FAS: variants seen among roughly 807,000 people sequenced by gnomAD.
The protein encoded by FAS is tumor necrosis factor receptor superfamily member 6.
Under a neutral mutation model 33.2 loss-of-function variants are expected in FAS, and 5 were observed. The observed-to-expected ratio is 0.15, with a 90% CI of 0.08 to 0.32. The LOEUF (loss-of-function observed/expected upper bound fraction) is 0.32. FAS is among the 10% of genes least tolerant of loss of function. The pLI is 1.00. For missense variants in FAS, 339 were observed against 386.0 expected (o/e 0.88, Z 1.02); for synonymous variants, 131 against 130.7 (o/e 1.00, Z -0.01).
At chr10:89,004,583 T>C (rs1589468452) in intron 2 of FAS, among the ~76,000 whole-genome samples, 1 of 143,994 alleles carries the variant, frequency 6.9e-6, no homozygotes. Context: ...CCTGAGAAAA[T>C]AATCAAAAAT....
chr10:88,997,762 T>C (rs760730443), intron 1 of FAS, among the ~76,000 whole-genome samples: 68 of 152,290 alleles, frequency 4.5e-4, no homozygotes, highest in Non-Finnish European at 8.1e-4. Context: ...TGTTGATAAG[T>C]AACTGAAAGT....
chr10:88,968,109 G>A (rs1315959473), intron 1 of FAS, among the ~76,000 whole-genome samples: 3 of 152,026 alleles, frequency 2.0e-5, no homozygotes, highest in Non-Finnish European at 4.4e-5. Context: ...ATTCAATTCA[G>A]TAGTTTCTGT....
chr10:88,998,169 G>T (rs1847709159), intron 1 of FAS, among the ~76,000 whole-genome samples: 1 of 152,148 alleles, frequency 6.6e-6, no homozygotes, highest in Non-Finnish European at 1.5e-5. Flanking sequence ...CAACTGGACT[G>T]GTTCCTTCTG....
intron 1 of FAS, among the ~76,000 whole-genome samples, chr10:88,996,868 C>T (rs1847629337): frequency 6.6e-6 from 1 of 152,212 alleles, no homozygotes; most frequent in African/African-American, 2.4e-5. Flanking sequence ...TCTGTAGTCC[C>T]TTATCCCAGG....
chr10:88,986,945 T>A (rs1013319489), upstream of FAS, among the ~76,000 whole-genome samples: 2 of 152,250 alleles, frequency 1.3e-5, no homozygotes, highest in Non-Finnish European at 2.9e-5. Context: ...GATTTGCATA[T>A]GTCATTTCTT....
intron 2 of FAS, among the ~76,000 whole-genome samples, chr10:88,981,058 T>C (rs533270433): frequency 2.2e-3 from 336 of 152,240 alleles, no homozygotes; most frequent in Non-Finnish European, 4.2e-3. Flanking sequence ...GAACAGGGCA[T>C]GGGGAGGCCA....
At chr10:88,988,031 A>G (rs1039175457), upstream of FAS, among the ~76,000 whole-genome samples, 3 of 152,044 alleles carry the variant, frequency 2.0e-5, no homozygotes, top group Non-Finnish European at 2.9e-5. Flanking sequence ...TAACTTTTTC[A>G]TGGGTCTCCA....
At chr10:88,994,967 T>C (rs1235541780) in intron 1 of FAS, among the ~76,000 whole-genome samples, 1 of 151,754 alleles carries the variant, frequency 6.6e-6, no homozygotes, top group Non-Finnish European at 1.5e-5. Flanking sequence ...GGACTTGTGA[T>C]GAAAAATAAT....
At chr10:88,971,969 C>T (rs1846457582) in intron 1 of FAS, among the ~76,000 whole-genome samples, 2 of 150,824 alleles carry the variant, frequency 1.3e-5, no homozygotes, top group African/African-American at 2.4e-5. Context: ...AGTGCAGAGG[C>T]GTGATCTCAG....
rs1197682930 is a variant in FAS, at chr10:88,968,756, A to T, written n.95-4426A>T. On this transcript the variant is annotated intron_variant and non_coding_transcript_variant, in intron 1 of 3. Coordinates refer to the FAS transcript ENST00000688239. ...AGGCTCTGCTAAAAATGTTAGAGGC[A>T]GCTGTTGATATAGGCATTTCTGTCC... 3.3e-5 allele frequency among the ~76,000 whole-genome samples: 5 copies of T among 152,324 alleles called. No individual in the cohort carries two copies. In the East Asian group the frequency reaches 9.6e-4, roughly 29 times the overall value.
chr10:89,010,433 G>C (rs1848466411), intron 4 of FAS, 106 bp from the exon 5 acceptor site: 1 of 847,288 alleles, frequency 1.2e-6, no homozygotes, highest in Non-Finnish European at 2.0e-6. Context: ...GTTTGCCAGA[G>C]ATGCAAAGAT....
intron 2 of FAS, chr10:88,973,400 C>T (rs1846493487): frequency 2.0e-5 from 27 of 1,346,270 alleles, no homozygotes; most frequent in East Asian, 5.2e-5. Flanking sequence ...ATAGAGTTCC[C>T]GATGAAAACA....
In FAS at chr10:89,016,802, C is replaced by T. The variant is rs1848823606; in HGVS notation, c.*2352C>T. 1 of 217,944 alleles carries T rather than the reference C, an allele frequency of 4.6e-6. No homozygotes were observed. Among genetic ancestry groups the T allele is most frequent in the African/African-American group, 2.2e-5 (1 of 44,504 alleles). The allele number at this position is 217,944 out of a possible 1,614,324, so 13.5% of individuals were successfully genotyped here. A position where few individuals can be genotyped will look rare whatever the true frequency, so the allele number is the denominator to read the frequency against. On this transcript the variant is annotated 3_prime_UTR_variant, in exon 9 of 9. Transcript: ENST00000652046. ...AGGAGCTCACAGATCACATTGAAAG[C>T]ATTGCATATTCAAACATCTTGGTCT...
At chr10:89,007,587 C>T in intron 2 of FAS, 113 bp from the exon 3 acceptor site, 3 of 1,376,940 alleles carry the variant, frequency 2.2e-6, no homozygotes, top group Non-Finnish European at 2.0e-6. Flanking sequence ...TTAGCCTACC[C>T]CCCCTCCCCT....
intron 3 of FAS, among the ~76,000 whole-genome samples, chr10:89,008,213 G>A (rs572362915): frequency 6.6e-6 from 1 of 152,288 alleles, no homozygotes; most frequent in African/African-American, 2.4e-5. Flanking sequence ...AATCCAAAAG[G>A]TAGGTAGGAA....
chr10:89,004,564 C>T (rs999521895), intron 2 of FAS, among the ~76,000 whole-genome samples: 37 of 141,866 alleles, frequency 2.6e-4, no homozygotes, highest in African/African-American at 9.1e-4. Flanking sequence ...TTAATTTATA[C>T]GAAAATACCC....
intron 2 of FAS, among the ~76,000 whole-genome samples, chr10:88,981,644 G>A (rs1846713966): frequency 6.6e-6 from 1 of 152,148 alleles, no homozygotes; most frequent in African/African-American, 2.4e-5. Flanking sequence ...GGGCAGAGTG[G>A]GAGACGCATC....
upstream of FAS, among the ~76,000 whole-genome samples, chr10:88,986,763 G>A (rs1846903429): frequency 6.6e-6 from 1 of 152,130 alleles, no homozygotes; most frequent in Admixed American, 6.5e-5. Context: ...AGAAGTATAG[G>A]AAGGAAGTAG....
At position 88,998,347 on chromosome 10, in the gene FAS, C is replaced by CAA. The variant is rs3074154; in HGVS notation, c.31-4668_31-4667dup. Among the ~76,000 whole-genome samples, 1,123 of 141,756 alleles carry CAA rather than the reference C, an allele frequency of 7.9e-3. 17 individuals are homozygous for CAA. Among genetic ancestry groups the CAA allele is most frequent in the East Asian group, 0.048 (243 of 5,064 alleles). 93.0% of individuals were successfully genotyped at this position (141,756 alleles called of 152,430 possible). On this transcript the variant is annotated intron_variant, in intron 1 of 8. Transcript: ENST00000652046. ...TTATATAGCTTTAGTTAAAAAAAAG[C>CAA]AAAAAAAAAAAAAAATCAAAACAAA...
Sources: allele counts gnomAD v4.1 joint callset (sites outside exome capture counted in the v4.1 genomes callset), GRCh38; gene constraint gnomAD v4.1.1; transcripts MANE v1.5; gene names NCBI Gene and HGNC (gene_info 2026-07-23, HGNC 2026-07-21).